Variants in ATP8A2 observed in about 807,000 individuals in gnomAD.
The protein encoded by ATP8A2 is phospholipid-transporting ATPase IB.
ATP8A2 carries 100 observed loss-of-function variants against 165.6 expected under a neutral mutation model. That is an observed-to-expected ratio of 0.60 (90% CI 0.51 to 0.71). The LOEUF is 0.71. Ranked by LOEUF, ATP8A2 falls within the 30% of genes least tolerant of loss-of-function variation. The probability of loss-of-function intolerance (pLI) is 0.00; values close to 1 mark genes in which losing one functional copy is unlikely to be tolerated. For missense variants in ATP8A2, 1,227 were observed against 1,479.5 expected (o/e 0.83, Z 2.80); for synonymous variants, 543 against 548.8 (o/e 0.99, Z 0.15).
At chr13:25,567,128 C>G (rs2039337792) in intron 16 of ATP8A2, 1 of 312,540 alleles carries the variant, frequency 3.2e-6, no homozygotes, top group East Asian at 8.6e-5. Flanking sequence ...TGAAAGATTT[C>G]AAAGCTTGGT....
At chr13:25,502,758 G>A (rs2137709276) in intron 2 of ATP8A2, among the ~76,000 whole-genome samples, 1 of 152,286 alleles carries the variant, frequency 6.6e-6, no homozygotes, top group African/African-American at 2.4e-5. Flanking sequence ...GCTTGTTATG[G>A]CTGTTGTACT....
chr13:25,743,262 C>T (rs1203779062), intron 25 of ATP8A2, among the ~76,000 whole-genome samples: 1 of 152,012 alleles, frequency 6.6e-6, no homozygotes, highest in Non-Finnish European at 1.5e-5. Context: ...TGGCAGCAAC[C>T]ACCAGAGGCC....
intron 24 of ATP8A2, among the ~76,000 whole-genome samples, chr13:25,631,449 A>G (rs1461850201): frequency 6.6e-6 from 1 of 152,150 alleles, no homozygotes; most frequent in Non-Finnish European, 1.5e-5. Flanking sequence ...GGTCTACTCC[A>G]GGTATTTTTG....
intron 1 of ATP8A2, among the ~76,000 whole-genome samples, chr13:25,419,330 C>T (rs1225135458): frequency 6.6e-6 from 1 of 152,150 alleles, no homozygotes; most frequent in Admixed American, 6.5e-5. Flanking sequence ...GGAGTAGAAT[C>T]TACTTTCTTT....
intron 2 of ATP8A2, among the ~76,000 whole-genome samples, chr13:25,480,950 T>C (rs575687383): frequency 8.5e-4 from 130 of 152,178 alleles, no homozygotes; most frequent in African/African-American, 2.7e-3. Context: ...GGTTAGGAGC[T>C]GGAGACCAGC....
chr13:25,664,224 C>G (rs1433106687), intron 24 of ATP8A2, among the ~76,000 whole-genome samples: 10 of 152,138 alleles, frequency 6.6e-5, no homozygotes, highest in Non-Finnish European at 1.5e-4. Context: ...TGGTAATTTA[C>G]TTTCTTGTAA....
At chr13:26,008,153 G>A (rs887251907) in intron 35 of ATP8A2, among the ~76,000 whole-genome samples, 5 of 152,128 alleles carry the variant, frequency 3.3e-5, no homozygotes, top group Non-Finnish European at 5.9e-5. Context: ...GCACACACAG[G>A]AAATGAACCA....
chr13:25,600,758 A>G (rs2040363129), intron 24 of ATP8A2, among the ~76,000 whole-genome samples: 1 of 152,220 alleles, frequency 6.6e-6, no homozygotes, highest in Non-Finnish European at 1.5e-5. Flanking sequence ...GAATTCATGC[A>G]GCATCTTGGT....
At chr13:25,385,171 T>TTATATATGC (rs2032995054) in intron 1 of ATP8A2, among the ~76,000 whole-genome samples, 3 of 152,218 alleles carry the variant, frequency 2.0e-5, no homozygotes, top group Admixed American at 2.0e-4. Flanking sequence ...GCTCTTTCCT[T>TTATATATGC]TCTTTTGCTG....
intron 25 of ATP8A2, among the ~76,000 whole-genome samples, chr13:25,744,102 G>A (rs1458884881): frequency 6.6e-6 from 1 of 152,172 alleles, no homozygotes; most frequent in Non-Finnish European, 1.5e-5. Context: ...TCCAGTGTGT[G>A]CCTTGATCTT....
chr13:25,761,270 T>C (rs1389037544), intron 25 of ATP8A2, among the ~76,000 whole-genome samples: 1 of 152,140 alleles, frequency 6.6e-6, no homozygotes, highest in Non-Finnish European at 1.5e-5. Flanking sequence ...TTCTCAAGAG[T>C]GGCTGGATAG....
chr13:25,853,047 T>A (rs1952048898), intron 30 of ATP8A2, among the ~76,000 whole-genome samples: 1 of 152,134 alleles, frequency 6.6e-6, no homozygotes, highest in African/African-American at 2.4e-5. Context: ...AAGGAGCTAA[T>A]ATGTGTAAAG....
intron 33 of ATP8A2, among the ~76,000 whole-genome samples, chr13:25,937,432 C>CTAAT (rs1187773975): frequency 7.5e-6 from 1 of 133,826 alleles, no homozygotes; most frequent in Non-Finnish European, 1.5e-5. Flanking sequence ...AAAGAAAAGG[C>CTAAT]TAATTATTGT....
At chr13:25,920,414 C>A (rs1358754260) in intron 33 of ATP8A2, among the ~76,000 whole-genome samples, 1 of 152,210 alleles carries the variant, frequency 6.6e-6, no homozygotes, top group Non-Finnish European at 1.5e-5. Context: ...CACACACACA[C>A]ACATCCTAAG....
chr13:25,804,703 C>T lies in ATP8A2; in HGVS notation c.2680-23415C>T, dbSNP rs566997921. ...TTTGTTTACTCTGAAGGGGCTCCTC[C>T]AGGAGAGACACTCTGAACCCCGTGC... On this transcript the variant is annotated intron_variant, in intron 27 of 36. Transcript: ENST00000381655. Among the ~76,000 whole-genome samples, 27 of 152,218 alleles carry T rather than the reference C, an allele frequency of 1.8e-4. No homozygotes were observed. In the South Asian group the frequency reaches 5.4e-3, roughly 30 times the overall value.
chr13:25,668,063 A>G (rs1305320590), intron 24 of ATP8A2, among the ~76,000 whole-genome samples: 1 of 152,136 alleles, frequency 6.6e-6, no homozygotes, highest in Non-Finnish European at 1.5e-5. Flanking sequence ...CCTGGGAAAA[A>G]GAAGTGGTAC....
rs1957085787 is a variant in ATP8A2 at position 26,021,779 on chromosome 13, ACACCTGT to A, written c.*1798_*1804del. ...TCACATGACTGTGCAGCGAAGGAGC[ACACCTGT>A]CACTCTTAGCTCTAGAGTCGGAGGA... On this transcript the variant is annotated 3_prime_UTR_variant, in exon 37 of 37. Transcript: ENST00000381655. 6.6e-6 allele frequency: 1 copy of A among 152,212 alleles called. No homozygotes were observed. Among genetic ancestry groups the A allele is most frequent in the South Asian group, 2.1e-4 (1 of 4,832 alleles). The allele number at this position is 152,212 out of a possible 1,614,324, so 9.4% of individuals were successfully genotyped here. A position where few individuals can be genotyped will look rare whatever the true frequency, so the allele number is the denominator to read the frequency against.
chr13:25,855,109 G>T (rs562413803), intron 30 of ATP8A2, among the ~76,000 whole-genome samples: 3 of 152,074 alleles, frequency 2.0e-5, no homozygotes, highest in Non-Finnish European at 2.9e-5. Context: ...AAATCAGCTG[G>T]GTGTGGTGGC....
chr13:25,446,930 A>C (rs538321779), intron 1 of ATP8A2, among the ~76,000 whole-genome samples: 36 of 152,260 alleles, frequency 2.4e-4, no homozygotes, highest in African/African-American at 8.4e-4. Context: ...ACCATGGCTC[A>C]CTGCACCGTT....
Sources: gnomAD v4.1 joint callset for allele counts (sites outside exome capture counted in the v4.1 genomes callset) on GRCh38, gnomAD v4.1.1 for gene constraint, MANE v1.5 for transcripts, NCBI Gene and HGNC (gene_info 2026-07-23, HGNC 2026-07-21) for gene names.